Variants in ATP8A2 observed in about 807,000 individuals in gnomAD.
The protein encoded by ATP8A2 is phospholipid-transporting ATPase IB.
In ATP8A2, 100 loss-of-function variants were observed where a neutral mutation model predicts 165.6. That is an observed-to-expected ratio of 0.60 (90% CI 0.51 to 0.71). ATP8A2 has a LOEUF of 0.71. ATP8A2 is among the 30% of genes least tolerant of loss of function. The pLI, the probability that ATP8A2 is intolerant of heterozygous loss-of-function variation, is 0.00. For synonymous variants in ATP8A2, 543 were observed against 548.8 expected (o/e 0.99, Z 0.15); for missense variants, 1,227 against 1,479.5 (o/e 0.83, Z 2.80).
chr13:25,860,372 A>G, intron 31 of ATP8A2, 116 bp downstream of exon 31: 1 of 593,996 alleles, frequency 1.7e-6, no homozygotes, highest in Non-Finnish European at 2.9e-6. Context: ...AATCTTCAAA[A>G]TGTATTTTAT....
chr13:25,523,678 A>AT (rs1394480312), intron 2 of ATP8A2, among the ~76,000 whole-genome samples: 1 of 151,244 alleles, frequency 6.6e-6, no homozygotes, highest in Non-Finnish European at 1.5e-5. Flanking sequence ...GTCTCTAATG[A>AT]TTTTTTTTGT....
At chr13:25,884,312 GCA>G (rs1418593082) in intron 33 of ATP8A2, among the ~76,000 whole-genome samples, 2 of 152,172 alleles carry the variant, frequency 1.3e-5, no homozygotes, top group African/African-American at 4.8e-5. Flanking sequence ...GATGATGGCT[GCA>G]CAGTGTTGGA....
chr13:25,751,580 G>A (rs530079028), intron 25 of ATP8A2, among the ~76,000 whole-genome samples: 20 of 152,170 alleles, frequency 1.3e-4, no homozygotes, highest in African/African-American at 4.8e-4. Flanking sequence ...GGGACTACAG[G>A]CGTGATTGCC....
chr13:25,928,563 C>G (rs990743959), intron 33 of ATP8A2, among the ~76,000 whole-genome samples: 2 of 152,176 alleles, frequency 1.3e-5, no homozygotes, highest in Non-Finnish European at 2.9e-5. Flanking sequence ...AAAATGATTA[C>G]TCTAAATAAT....
At chr13:25,808,334 C>T (rs1036371336) in intron 27 of ATP8A2, among the ~76,000 whole-genome samples, 1 of 151,990 alleles carries the variant, frequency 6.6e-6, no homozygotes, top group African/African-American at 2.4e-5. Context: ...CATGGTGGCT[C>T]ACTCTTGTAA....
chr13:25,840,558 A>G (rs1951728046), intron 30 of ATP8A2, among the ~76,000 whole-genome samples: 1 of 152,232 alleles, frequency 6.6e-6, no homozygotes. Flanking sequence ...TCGAGGGTTC[A>G]TAAGTCTTTA....
chr13:25,451,811 G>A (rs1051333742), intron 1 of ATP8A2, among the ~76,000 whole-genome samples: 17 of 151,372 alleles, frequency 1.1e-4, no homozygotes, highest in Non-Finnish European at 2.1e-4. Flanking sequence ...AGTTTAAAAG[G>A]GGAAAAGGTA....
chr13:25,815,097 C>G (rs1195183620), intron 27 of ATP8A2, among the ~76,000 whole-genome samples: 1 of 151,442 alleles, frequency 6.6e-6, no homozygotes, highest in Non-Finnish European at 1.5e-5. Flanking sequence ...AACAATAAAA[C>G]TCTTAGAAGA....
chr13:25,968,672 G>A lies in ATP8A2; in HGVS notation c.3370G>A (p.Gly1124Arg), dbSNP rs1344308716. 1.2e-6 allele frequency: 2 copies of A among 1,612,864 alleles called. No homozygotes were observed. Among genetic ancestry groups the A allele is most frequent in the East Asian group, 4.5e-5 (2 of 44,882 alleles). The change falls in exon 35 of 37, where the codon GGA (glycine) becomes AGA (arginine). Residue 1124 changes from glycine to arginine, a missense_variant. Gly to Arg is a moderately radical substitution (Grantham distance 125, BLOSUM62 -2). This residue lies in a region of ATP8A2 where 260 missense variants were observed against 245.1 expected (regional missense o/e 1.06). Transcript: ENST00000381655. ...LGKAVLRDSN[G>R]KRLNERDRLI... ...AAAAGCGGTGCTGCGGGATAGCAAT[G>A]GAAAGAGGTGGGGAACTCCGTCCCA...
At position 25,953,275 on chromosome 13, in the gene ATP8A2, A is replaced by G. The variant is rs1005358759; in HGVS notation, c.3184-8300A>G. Among the ~76,000 whole-genome samples, 3 of 151,522 alleles carry G rather than the reference A, an allele frequency of 2.0e-5. No homozygotes were observed. Among genetic ancestry groups the G allele is most frequent in the African/African-American group, 4.9e-5 (2 of 41,156 alleles). ...GGCCAACCAGCATCTTGAGGACTCA[A>G]CTCTCTGGCTGCAGGTGCTGTGGGG... On this transcript the variant is annotated intron_variant, in intron 33 of 36. Coordinates refer to ENST00000381655, the MANE Select transcript of ATP8A2 (RefSeq NM_016529.6). The surrounding 1 kb of genome is among the most constrained non-coding windows in gnomAD (Gnocchi z 6.7).
chr13:26,018,855 T>C (rs1957038019), intron 36 of ATP8A2, among the ~76,000 whole-genome samples: 1 of 152,200 alleles, frequency 6.6e-6, no homozygotes, highest in Non-Finnish European at 1.5e-5. Context: ...CCCTATCTCA[T>C]AGGGTTTCTG....
intron 1 of ATP8A2, among the ~76,000 whole-genome samples, chr13:25,384,299 T>C (rs566843208): frequency 1.3e-5 from 2 of 152,366 alleles, no homozygotes; most frequent in East Asian, 3.9e-4. Flanking sequence ...AAGTATTCCT[T>C]TTATTCCATT....
intron 27 of ATP8A2, among the ~76,000 whole-genome samples, chr13:25,802,657 G>A (rs1312938110): frequency 6.6e-6 from 1 of 152,102 alleles, no homozygotes; most frequent in Non-Finnish European, 1.5e-5. Context: ...AGCCTGATGT[G>A]CTGGATATTA....
At chr13:25,748,975 A>G (rs893930577) in intron 25 of ATP8A2, among the ~76,000 whole-genome samples, 8 of 152,218 alleles carry the variant, frequency 5.3e-5, no homozygotes, top group African/African-American at 1.9e-4. Context: ...GGACATTTCT[A>G]TGAAGTTTGA....
intron 1 of ATP8A2, among the ~76,000 whole-genome samples, chr13:25,452,827 G>A (rs571306662): frequency 4.6e-5 from 7 of 152,168 alleles, no homozygotes; most frequent in Admixed American, 2.6e-4. Context: ...TGGGAGGATC[G>A]CTCACATCTG....
intron 35 of ATP8A2, among the ~76,000 whole-genome samples, chr13:26,002,597 T>C (rs1261113570): frequency 1.3e-5 from 2 of 151,624 alleles, no homozygotes; most frequent in East Asian, 1.9e-4. Flanking sequence ...TTTTGTCTAA[T>C]TGAAATTTTG....
intron 1 of ATP8A2, among the ~76,000 whole-genome samples, chr13:25,391,791 C>A (rs1378487951): frequency 6.6e-6 from 1 of 152,160 alleles, no homozygotes; most frequent in Non-Finnish European, 1.5e-5. Flanking sequence ...AGAAGGAAGG[C>A]CACAGTGGGG....
rs139677347 is a variant in ATP8A2 at position 25,708,150 on chromosome 13, A to G, written c.2384+8805A>G. On this transcript the variant is annotated intron_variant, in intron 25 of 36. Transcript: ENST00000381655. ...GTGATACGAGGTCACACTGTGGCCTAAAATTCTGAAGTAGAAGCTCATAAT... is the reference window on the plus strand; with the variant it reads ...GTGATACGAGGTCACACTGTGGCCTGAAATTCTGAAGTAGAAGCTCATAAT... 4.1e-4 allele frequency among the ~76,000 whole-genome samples: 62 copies of G among 152,344 alleles called. 1 individual carries two copies. Among genetic ancestry groups the G allele is most frequent in the African/African-American group, 1.4e-3 (58 of 41,586 alleles).
chr13:25,455,142 C>A (rs938008675), intron 1 of ATP8A2, among the ~76,000 whole-genome samples: 2 of 152,176 alleles, frequency 1.3e-5, no homozygotes, highest in African/African-American at 4.8e-5. Flanking sequence ...GCTTCTCCCC[C>A]TCACTGTGCC....
Sources: allele counts gnomAD v4.1 joint callset (sites outside exome capture counted in the v4.1 genomes callset), GRCh38; gene constraint gnomAD v4.1.1; regional missense constraint gnomAD v4.1.1; non-coding constraint Gnocchi (gnomAD v3.1); transcripts MANE v1.5; gene names NCBI Gene and HGNC (gene_info 2026-07-23, HGNC 2026-07-21).